The following AMMECR1 variants were observed in gnomAD, a reference collection of about 807,000 sequenced individuals.
AMMECR1 encodes the protein nuclear protein AMMECR1.
In AMMECR1, 3 loss-of-function variants were observed where a neutral mutation model predicts 22.5. That is an observed-to-expected ratio of 0.13 (90% CI 0.06 to 0.35). The LOEUF is 0.35. Ranked by LOEUF, AMMECR1 falls within the 10% of genes least tolerant of loss-of-function variation. AMMECR1 has a pLI of 1.00. For missense variants in AMMECR1, 235 were observed against 278.7 expected (o/e 0.84, Z 1.12); for synonymous variants, 130 against 116.7 (o/e 1.11, Z -0.74).
At chrX:110,236,343 G>C (rs1291871008) in intron 2 of AMMECR1, among the ~76,000 whole-genome samples, 1 of 110,147 alleles carries the variant, frequency 9.1e-6, no homozygotes, top group Admixed American at 9.7e-5. Context: ...AATGAGAAGT[G>C]CAAGTCTTAT....
At chrX:110,240,773 AT>A (rs1277322480) in intron 2 of AMMECR1, among the ~76,000 whole-genome samples, 2 of 112,239 alleles carry the variant, frequency 1.8e-5, no homozygotes, top group Admixed American at 1.9e-4. Flanking sequence ...CAGAATATAC[AT>A]TCTTCTCAGC....
intron 2 of AMMECR1, among the ~76,000 whole-genome samples, chrX:110,364,077 CA>C (rs1329227841): frequency 9.0e-6 from 1 of 111,312 alleles, no homozygotes; most frequent in African/African-American, 3.3e-5. Flanking sequence ...AAGGTGTTGG[CA>C]GGGCCATGCT....
intron 2 of AMMECR1, among the ~76,000 whole-genome samples, chrX:110,399,514 T>A (rs763306966): frequency 1.8e-4 from 20 of 112,655 alleles, no homozygotes; most frequent in Non-Finnish European, 3.4e-4. Flanking sequence ...CTTACTAATT[T>A]TCTTAAAAAG....
chrX:110,394,839 T>C (rs746600445), intron 2 of AMMECR1, among the ~76,000 whole-genome samples: 1 of 112,930 alleles, frequency 8.9e-6, no homozygotes, highest in East Asian at 2.8e-4. Flanking sequence ...CTACTAGGCC[T>C]CCAGGAAGAG....
Position 110,416,877 on chromosome X carries a change from G to A in AMMECR1, c.-148+9781C>T, listed in dbSNP as rs777265886. ...TTCAAATCCTGGCCTTATGATTTCAGAGCTGAACCTCTCTGAATGTCTGTA... is the reference window on the plus strand; with the variant it reads ...TTCAAATCCTGGCCTTATGATTTCAAAGCTGAACCTCTCTGAATGTCTGTA... On this transcript the variant is annotated intron_variant, in intron 2 of 7. Coordinates refer to the AMMECR1 transcript ENST00000372057. Among the ~76,000 whole-genome samples the A allele has an allele frequency of 5.4e-5, 6 of 111,612 alleles. No homozygotes were observed. In the South Asian group the frequency reaches 2.3e-3, roughly 43 times the overall value.
At chrX:110,239,893 A>G (rs2067621812) in intron 2 of AMMECR1, among the ~76,000 whole-genome samples, 1 of 112,032 alleles carries the variant, frequency 8.9e-6, no homozygotes, top group African/African-American at 3.3e-5. Context: ...AGTGGGGGCC[A>G]ATATTCATTC....
At chrX:110,300,005 T>C (rs1168978271) in intron 1 of AMMECR1, among the ~76,000 whole-genome samples, 1 of 112,374 alleles carries the variant, frequency 8.9e-6, no homozygotes, top group Non-Finnish European at 1.9e-5. Context: ...CAGATATCTC[T>C]TCAATATACT....
intron 2 of AMMECR1, among the ~76,000 whole-genome samples, chrX:110,390,800 G>A (rs1481503728): frequency 8.9e-6 from 1 of 112,013 alleles, no homozygotes; most frequent in East Asian, 2.8e-4. Flanking sequence ...GATCATAAGG[G>A]CTTTCAAGAA....
chrX:110,267,602 G>T (rs775567712), intron 1 of AMMECR1, among the ~76,000 whole-genome samples: 1 of 111,226 alleles, frequency 9.0e-6, no homozygotes, highest in Non-Finnish European at 1.9e-5. Flanking sequence ...TACCATGATG[G>T]TTTCTGAATA....
intron 1 of AMMECR1, among the ~76,000 whole-genome samples, chrX:110,429,121 G>C (rs1013063123): frequency 8.9e-6 from 1 of 111,939 alleles, no homozygotes; most frequent in African/African-American, 3.3e-5. Context: ...ATCTCCTACT[G>C]TTCCAGACCA....
intron 2 of AMMECR1, among the ~76,000 whole-genome samples, chrX:110,233,765 G>A (rs1381418871): frequency 2.7e-5 from 3 of 111,910 alleles, no homozygotes; most frequent in South Asian, 3.7e-4. Context: ...AAAGGCCTTC[G>A]ACAAAACTCA....
chrX:110,388,040 T>A (rs763336414), intron 2 of AMMECR1, among the ~76,000 whole-genome samples: 5 of 110,196 alleles, frequency 4.5e-5, no homozygotes, highest in Non-Finnish European at 7.6e-5. Context: ...TTTCTTTTTT[T>A]GTATTTTTAG....
chrX:110,344,554 G>C (rs1333733251), intron 2 of AMMECR1, among the ~76,000 whole-genome samples: 1 of 111,106 alleles, frequency 9.0e-6, no homozygotes. Context: ...AGAGTGAACA[G>C]GCAACCTATG....
At chrX:110,201,288 C>A (rs1046773615) in intron 4 of AMMECR1, among the ~76,000 whole-genome samples, 9 of 112,070 alleles carry the variant, frequency 8.0e-5, no homozygotes, top group Non-Finnish European at 1.7e-4. Context: ...GCTCCTTTAT[C>A]TTCGCATTCG....
chrX:110,221,998 G>A (rs2067502893), intron 2 of AMMECR1, among the ~76,000 whole-genome samples: 1 of 110,039 alleles, frequency 9.1e-6, no homozygotes, highest in African/African-American at 3.3e-5. Context: ...ACTGTTGGTG[G>A]GACTGTAAAC....
chrX:110,319,846 G>C (rs1311562454), upstream of AMMECR1, among the ~76,000 whole-genome samples: 1 of 111,957 alleles, frequency 8.9e-6, no homozygotes. Context: ...AACAATATAT[G>C]ATAACAAGGC....
intron 1 of AMMECR1, chrX:110,306,867 C>A (rs2067998318): frequency 9.0e-6 from 1 of 111,626 alleles, no homozygotes; most frequent in Non-Finnish European, 1.9e-5. Flanking sequence ...TTAAGCTAAG[C>A]AGAGTGCTTA....
chrX:110,305,008 C>T (rs1380113293), intron 1 of AMMECR1, among the ~76,000 whole-genome samples: 1 of 112,590 alleles, frequency 8.9e-6, no homozygotes, highest in Non-Finnish European at 1.9e-5. Context: ...ACAATGAGTC[C>T]TACAGACATC....
intron 2 of AMMECR1, among the ~76,000 whole-genome samples, chrX:110,325,057 G>A (rs1321150605): frequency 9.0e-6 from 1 of 111,520 alleles, no homozygotes; most frequent in Non-Finnish European, 1.9e-5. Flanking sequence ...AGCTTGAGAA[G>A]GATTTGGTGT....
Sources: gnomAD v4.1 joint callset for allele counts (sites outside exome capture counted in the v4.1 genomes callset) on GRCh38, gnomAD v4.1.1 for gene constraint, MANE v1.5 for transcripts, NCBI Gene and HGNC (gene_info 2026-07-23, HGNC 2026-07-21) for gene names.